Variants in TLN2 observed in about 807,000 individuals in gnomAD.
TLN2 encodes the protein talin 2.
A neutral mutation model predicts 294.7 loss-of-function variants in TLN2; 118 were observed. That is an observed-to-expected ratio of 0.40 (90% CI 0.34 to 0.47). The LOEUF is 0.47. Among genes scored for constraint, TLN2 ranks in the 20% least tolerant of loss-of-function variants. The pLI is 0.84. For missense variants in TLN2, 3,083 were observed against 3,282.2 expected, an observed-to-expected ratio of 0.94 and a Z score of 1.48; for synonymous variants, 1,431 against 1,304.5, an observed-to-expected ratio of 1.10 and a Z score of -2.09.
intron 20 of TLN2, 81 bp from the exon 21 acceptor site, chr15:62,708,421 C>G (rs116926722): frequency 0.011 from 15,559 of 1,475,270 alleles, 100 homozygotes; most frequent in Middle Eastern, 0.017. Flanking sequence ...GCAGGAAGGG[C>G]TTTGATGGGA....
intron 41 of TLN2, among the ~76,000 whole-genome samples, chr15:62,769,068 A>G (rs2063193170): frequency 6.6e-6 from 1 of 152,254 alleles, no homozygotes; most frequent in Non-Finnish European, 1.5e-5. Flanking sequence ...CCGGGCTCCC[A>G]TTTAGTTTTG....
chr15:62,585,310 AT>A (rs1303435920), intron 1 of TLN2, among the ~76,000 whole-genome samples: 3 of 152,224 alleles, frequency 2.0e-5, no homozygotes, highest in Non-Finnish European at 2.9e-5. Flanking sequence ...TGTTGAGATG[AT>A]AATATTAGGT....
chr15:62,633,228 T>C (rs1039403416), intron 3 of TLN2, among the ~76,000 whole-genome samples: 14 of 152,226 alleles, frequency 9.2e-5, no homozygotes, highest in African/African-American at 3.1e-4. Flanking sequence ...CTTTGTGACC[T>C]TGGGCATAAT....
At chr15:62,589,482 T>A (rs1002346603) in intron 1 of TLN2, among the ~76,000 whole-genome samples, 1 of 152,210 alleles carries the variant, frequency 6.6e-6, no homozygotes, top group Non-Finnish European at 1.5e-5. Context: ...AGCAGTAACA[T>A]AATTTTGGTC....
intron 4 of TLN2, among the ~76,000 whole-genome samples, chr15:62,647,653 C>T (rs190280271): frequency 4.1e-4 from 62 of 152,314 alleles, no homozygotes; most frequent in African/African-American, 1.4e-3. Context: ...ATCATTGTCA[C>T]TGTGCCCAGC....
intron 27 of TLN2, among the ~76,000 whole-genome samples, chr15:62,726,156 C>T (rs1346576732): frequency 3.3e-5 from 5 of 152,098 alleles, no homozygotes; most frequent in Admixed American, 1.3e-4. Context: ...CATGTAATTC[C>T]ATCTTTACGT....
At position 62,390,591 on chromosome 15, in the gene TLN2, G is replaced by GGCTGAGGCA. The variant is rs2031990339; in HGVS notation, c.-328_-327insAGGCAGCTG. ...CAGCGGCGGCGGCAGCGGCTGAGGCGGCTGCGGGAGCGGAGTGGTCGCCCA... is the reference window on the plus strand; with the variant it reads ...CAGCGGCGGCGGCAGCGGCTGAGGCGGCTGAGGCAGCTGCGGGAGCGGAGTGGTCGCCCA... On this transcript the variant is annotated 5_prime_UTR_variant, in exon 1 of 59. Transcript: ENST00000636159. 6.6e-6 allele frequency: 1 copy of GGCTGAGGCA among 152,236 alleles called. No individual in the cohort carries two copies. Among genetic ancestry groups the GGCTGAGGCA allele is most frequent in the South Asian group, 2.0e-4 (1 of 4,948 alleles). The allele number at this position is 152,236 out of a possible 1,614,324, so 9.4% of individuals were successfully genotyped here.
rs142386961 is a variant in TLN2 at position 62,636,922 on chromosome 15, A to G, written c.-36-10353A>G. 6.6e-5 allele frequency among the ~76,000 whole-genome samples: 10 copies of G among 152,260 alleles called. No homozygotes were observed. In the East Asian group the frequency reaches 1.9e-3, roughly 29 times the overall value. Reference sequence around the variant, plus strand: ...TTCCAGGTTCAGTCTGGAAGAAAACACTGAATGCCCTCCCTGAGCACTTGT... The same window carrying G: ...TTCCAGGTTCAGTCTGGAAGAAAACGCTGAATGCCCTCCCTGAGCACTTGT... On this transcript the variant is annotated intron_variant, in intron 3 of 58. Transcript: ENST00000636159.
intron 1 of TLN2, among the ~76,000 whole-genome samples, chr15:62,447,869 TC>T (rs1480431934): frequency 2.6e-5 from 4 of 152,172 alleles, no homozygotes; most frequent in Non-Finnish European, 5.9e-5. Flanking sequence ...CTGGTTTTGT[TC>T]CTGCTATGTC....
intron 26 of TLN2, among the ~76,000 whole-genome samples, chr15:62,722,846 A>G (rs923939378): frequency 2.6e-5 from 4 of 152,210 alleles, no homozygotes; most frequent in Non-Finnish European, 4.4e-5. Flanking sequence ...GTCCAGAATA[A>G]GTGATCATAT....
intron 31 of TLN2, chr15:62,740,350 C>T (rs1218142298): frequency 1.5e-5 from 5 of 328,400 alleles, no homozygotes; most frequent in East Asian, 5.7e-5. Context: ...CCCTGCTCCC[C>T]GCTTAATGCC....
intron 1 of TLN2, among the ~76,000 whole-genome samples, chr15:62,424,708 A>C (rs2034602860): frequency 6.6e-6 from 1 of 152,036 alleles, no homozygotes; most frequent in African/African-American, 2.4e-5. Flanking sequence ...GCTGGAGTCT[A>C]GTGGCCCAAT....
rs183144540 is a variant in TLN2 at position 62,655,591 on chromosome 15, G to A, written c.518-353G>A. On this transcript the variant is annotated intron_variant, in intron 7 of 58. Transcript: ENST00000636159. Reference sequence around the variant, plus strand: ...ATATTATACATTCATTGTAGCACATGTCACCGTGGGTTGGCTGGCACTGTC... The same window carrying A: ...ATATTATACATTCATTGTAGCACATATCACCGTGGGTTGGCTGGCACTGTC... Among the ~76,000 whole-genome samples the A allele has an allele frequency of 2.0e-3, 2 of 1,012 alleles. 1 individual carries two copies. The highest frequency in any genetic ancestry group is 2.1e-3 in the African/African-American group (2 of 940). 0.7% of individuals were successfully genotyped at this position (1,012 alleles called of 152,430 possible). A position where few individuals can be genotyped will look rare whatever the true frequency, so the allele number is the denominator to read the frequency against.
chr15:62,795,724 A>G (rs1035509197), intron 46 of TLN2, among the ~76,000 whole-genome samples: 1 of 152,172 alleles, frequency 6.6e-6, no homozygotes, highest in Non-Finnish European at 1.5e-5. Flanking sequence ...CAGGAGTCTA[A>G]TCCTTTCTCC....
chr15:62,761,706 A>C lies in TLN2; in HGVS notation c.4664A>C (p.Asp1555Ala), dbSNP rs139323765. The C allele has an allele frequency of 8.1e-5, 131 of 1,614,158 alleles. 1 individual carries two copies. In the East Asian group the frequency reaches 1.6e-3, roughly 20 times the overall value. Residue 1555 changes from aspartate (D) to alanine (A), a missense_variant, in exon 38 of 59, where the codon GAC becomes GCC. Transcript: ENST00000636159. ...IKALDGDFSEDNRNKCRIATA... is the reference protein window; with the variant it reads ...IKALDGDFSEANRNKCRIATA... ...GCCCTGGATGGGGATTTCTCTGAAG[A>C]CAACCGCAATAAGTGTCGCATCGCC...
intron 20 of TLN2, among the ~76,000 whole-genome samples, chr15:62,708,059 C>G (rs551700391): frequency 6.1e-5 from 9 of 147,818 alleles, no homozygotes; most frequent in Middle Eastern, 3.2e-3. Context: ...CTGACAGAAC[C>G]CCCCTGTTCT....
intron 1 of TLN2, among the ~76,000 whole-genome samples, chr15:62,436,639 G>A (rs1348137442): frequency 6.6e-6 from 1 of 152,194 alleles, no homozygotes; most frequent in East Asian, 1.9e-4. Context: ...AGGTCTCAAG[G>A]GACTTGGAGG....
At chr15:62,661,867 G>A (rs2053878122) in intron 9 of TLN2, among the ~76,000 whole-genome samples, 1 of 152,126 alleles carries the variant, frequency 6.6e-6, no homozygotes, top group Non-Finnish European at 1.5e-5. Flanking sequence ...CGTAAGTAGA[G>A]ATAAAGAAGA....
chr15:62,523,869 G>C (rs768859442), intron 1 of TLN2, among the ~76,000 whole-genome samples: 4 of 152,238 alleles, frequency 2.6e-5, no homozygotes, highest in Middle Eastern at 3.2e-3. Context: ...GCACAGTGCT[G>C]TATGAATGCG....
Sources: gnomAD v4.1 joint callset for allele counts (sites outside exome capture counted in the v4.1 genomes callset) on GRCh38, gnomAD v4.1.1 for gene constraint, MANE v1.5 for transcripts, NCBI Gene and HGNC (gene_info 2026-07-23, HGNC 2026-07-21) for gene names.